The following KANK1 variants were observed in gnomAD, a reference collection of about 807,000 sequenced individuals.
KANK1 encodes the protein KN motif and ankyrin repeat domains 1.
KANK1 carries 109 observed loss-of-function variants against 106.2 expected under a neutral mutation model. The observed-to-expected ratio is 1.03, with a 90% confidence interval of 0.88 to 1.20. KANK1 has a LOEUF of 1.20. Ranked by LOEUF, KANK1 falls within the 50% of genes most tolerant of loss-of-function variation. KANK1 has a pLI of 0.00. For synonymous variants in KANK1, 873 were observed against 652.2 expected (o/e 1.34, Z -5.16); for missense variants, 2,399 against 1,710.7 (o/e 1.40, Z -7.10).
Position 740,777 on chromosome 9 carries a change from T to C in KANK1, c.3554-15T>C. The C allele has an allele frequency of 7.0e-7, 1 of 1,435,522 alleles. No individual in the cohort carries two copies. Among genetic ancestry groups the C allele is most frequent in the South Asian group, 1.4e-5 (1 of 69,470 alleles). 88.9% of individuals were successfully genotyped at this position (1,435,522 alleles called of 1,614,324 possible). A position where few individuals can be genotyped will look rare whatever the true frequency, so the allele number is the denominator to read the frequency against. On this transcript the variant is annotated splice_polypyrimidine_tract_variant and intron_variant, in intron 8 of 11. Transcript: ENST00000382297. ...GGCTGCTTCCTAAGAGACTTTTTTT[T>C]TTTTTTTTTTACAGATGTGTGTAAT...
intron 1 of KANK1, among the ~76,000 whole-genome samples, chr9:521,487 T>G (rs1246316291): frequency 6.6e-6 from 1 of 151,526 alleles, no homozygotes; most frequent in Non-Finnish European, 1.5e-5. Context: ...AACTTGTTTT[T>G]GGGAGATGGT....
intron 10 of KANK1, 62 bp downstream of exon 10, chr9:742,467 G>A: frequency 7.2e-7 from 1 of 1,394,948 alleles, no homozygotes; most frequent in Non-Finnish European, 9.8e-7. Flanking sequence ...GGGAGCTCTG[G>A]GAGTGCCTTT....
intron 9 of KANK1, among the ~76,000 whole-genome samples, chr9:741,489 T>TTC (rs1276627089): frequency 2.4e-5 from 1 of 41,490 alleles, no homozygotes; most frequent in Non-Finnish European, 4.4e-5. Flanking sequence ...ACACCTGGCT[T>TTC]TTTTTTTTTT....
At chr9:560,999 T>G (rs1196599228) in intron 1 of KANK1, among the ~76,000 whole-genome samples, 1 of 152,154 alleles carries the variant, frequency 6.6e-6, no homozygotes, top group Non-Finnish European at 1.5e-5. Flanking sequence ...GTACTCAGAA[T>G]TAAGGAGATA....
chr9:486,088 A>G (rs2058289754), intron 3 of KANK1, among the ~76,000 whole-genome samples: 1 of 152,098 alleles, frequency 6.6e-6, no homozygotes, highest in Non-Finnish European at 1.5e-5. Flanking sequence ...GACTCCAAAA[A>G]TTTTTGACCA....
chr9:553,707 A>G (rs544955580), intron 1 of KANK1, among the ~76,000 whole-genome samples: 1 of 152,334 alleles, frequency 6.6e-6, no homozygotes, highest in South Asian at 2.1e-4. Flanking sequence ...GTTCAGTTTC[A>G]TATTAGTCAC....
intron 3 of KANK1, among the ~76,000 whole-genome samples, chr9:483,232 C>A (rs1261668228): frequency 6.6e-6 from 1 of 152,140 alleles, no homozygotes; most frequent in African/African-American, 2.4e-5. Context: ...TGGGCATCCT[C>A]TGGGGTCTTG....
At chr9:642,568 G>A (rs1375114339) in intron 1 of KANK1, among the ~76,000 whole-genome samples, 1 of 150,842 alleles carries the variant, frequency 6.6e-6, no homozygotes, top group African/African-American at 2.5e-5. Context: ...GACACACTCA[G>A]CTACTAGAAC....
intron 7 of KANK1, among the ~76,000 whole-genome samples, chr9:735,321 A>C (rs1306903734): frequency 1.3e-5 from 2 of 152,212 alleles, no homozygotes; most frequent in African/African-American, 4.8e-5. Context: ...ATTTTTAAAC[A>C]TAAAAATAAC....
chr9:633,368 G>A (rs1836268262), intron 1 of KANK1, among the ~76,000 whole-genome samples: 1 of 152,158 alleles, frequency 6.6e-6, no homozygotes, highest in African/African-American at 2.4e-5. Flanking sequence ...TGAGGCAGGA[G>A]AATGGCGTGA....
At chr9:650,186 T>G (rs1840571028) in intron 1 of KANK1, among the ~76,000 whole-genome samples, 1 of 152,216 alleles carries the variant, frequency 6.6e-6, no homozygotes. Context: ...CAAATTATGC[T>G]GAGTTAAAAT....
At chr9:491,408 C>T (rs1048698920) in intron 3 of KANK1, among the ~76,000 whole-genome samples, 1 of 152,044 alleles carries the variant, frequency 6.6e-6, no homozygotes, top group Non-Finnish European at 1.5e-5. Flanking sequence ...GCTGGGACTA[C>T]AGGTGTGCAT....
upstream of KANK1, among the ~76,000 whole-genome samples, chr9:500,792 C>T (rs557664438): frequency 3.7e-4 from 56 of 152,334 alleles, no homozygotes; most frequent in African/African-American, 1.3e-3. Context: ...CTGATTTTCT[C>T]CCTCCTACGG....
chr9:496,858 A>G (rs1275976527), intron 3 of KANK1, among the ~76,000 whole-genome samples: 1 of 152,224 alleles, frequency 6.6e-6, no homozygotes, highest in Non-Finnish European at 1.5e-5. Flanking sequence ...ACAGGTTTGT[A>G]CACATAATCC....
intron 8 of KANK1, among the ~76,000 whole-genome samples, chr9:739,458 C>T (rs971486725): frequency 1.3e-5 from 2 of 152,180 alleles, no homozygotes; most frequent in African/African-American, 4.8e-5. Context: ...TTTATCCTTC[C>T]TTTCTCTTAT....
At chr9:556,895 TG>T (rs2134243401) in intron 1 of KANK1, among the ~76,000 whole-genome samples, 1 of 152,310 alleles carries the variant, frequency 6.6e-6, no homozygotes, top group Non-Finnish European at 1.5e-5. Flanking sequence ...ACATGCAGTA[TG>T]GGGACTTTGG....
At chr9:573,234 AAACTT>A (rs372967120) in intron 1 of KANK1, among the ~76,000 whole-genome samples, 6 of 152,126 alleles carry the variant, frequency 3.9e-5, no homozygotes, top group African/African-American at 1.2e-4. Context: ...ACTTGTCACT[AAACTT>A]ATCTAATAAA....
intron 1 of KANK1, among the ~76,000 whole-genome samples, chr9:518,700 A>G (rs2059409036): frequency 6.6e-6 from 1 of 151,452 alleles, no homozygotes; most frequent in Non-Finnish European, 1.5e-5. Context: ...AAAAGTCCTC[A>G]AAGAGCCACC....
chr9:614,961 C>T (rs1054994189), intron 1 of KANK1, among the ~76,000 whole-genome samples: 1 of 151,890 alleles, frequency 6.6e-6, no homozygotes, highest in Non-Finnish European at 1.5e-5. Context: ...CCCCCCCCTG[C>T]CCTTTTTTTG....
Sources: gnomAD v4.1 joint callset for allele counts (sites outside exome capture counted in the v4.1 genomes callset) on GRCh38, gnomAD v4.1.1 for gene constraint, MANE v1.5 for transcripts, NCBI Gene and HGNC (gene_info 2026-07-23, HGNC 2026-07-21) for gene names.